The following SPRR2B variants were observed in gnomAD, a reference collection of about 807,000 sequenced individuals.
SPRR2B encodes small proline rich protein 2B.
SPRR2B carries 1 observed loss-of-function variant against 1.0 expected under a neutral mutation model. That is an observed-to-expected ratio of 1.01 (90% confidence interval 0.36 to 4.77). SPRR2B has a LOEUF of 4.77. SPRR2B is among the 30% of genes most tolerant of loss of function. The probability of loss-of-function intolerance (pLI) is 0.16; values close to 1 mark genes in which losing one functional copy is unlikely to be tolerated. For missense variants in SPRR2B, 53 were observed against 88.7 expected, an observed-to-expected ratio of 0.60 and a Z score of 1.62; for synonymous variants, 27 against 33.4, an observed-to-expected ratio of 0.81 and a Z score of 0.66.
the SPRR2B span, among the ~76,000 whole-genome samples, chr1:153,079,817 C>A: frequency 6.6e-6 from 1 of 151,942 alleles, no homozygotes. Context: ...CAGCTTTGTT[C>A]TTTTGGCTTA....
the SPRR2B span, among the ~76,000 whole-genome samples, chr1:153,079,619 G>A: frequency 6.6e-6 from 1 of 152,124 alleles, no homozygotes; most frequent in African/African-American, 2.4e-5. Flanking sequence ...TATTAAATAA[G>A]GAATCCTTTC....
upstream of SPRR2B, among the ~76,000 whole-genome samples, chr1:153,072,076 T>C (rs1370510456): frequency 6.6e-6 from 1 of 152,184 alleles, no homozygotes; most frequent in Non-Finnish European, 1.5e-5. Context: ...AACTCTCCTC[T>C]CTGGAATGGT....
upstream of SPRR2B, among the ~76,000 whole-genome samples, chr1:153,072,822 T>G (rs1654696734): frequency 6.6e-6 from 1 of 152,236 alleles, no homozygotes; most frequent in Non-Finnish European, 1.5e-5. Flanking sequence ...TCAATGTGAA[T>G]GTCTTTCACA....
chr1:153,073,976 G>A (rs1654724256), upstream of SPRR2B, among the ~76,000 whole-genome samples: 1 of 152,140 alleles, frequency 6.6e-6, no homozygotes, highest in African/African-American at 2.4e-5. Context: ...GCGTGTGTGT[G>A]TTCATAATGC....
chr1:153,082,790 T>A, the SPRR2B span, among the ~76,000 whole-genome samples: 3 of 151,890 alleles, frequency 2.0e-5, no homozygotes, highest in Non-Finnish European at 2.9e-5. Flanking sequence ...TAACCTCATA[T>A]TGCACTTGGG....
At chr1:153,087,643 AG>A in the SPRR2B span, among the ~76,000 whole-genome samples, 9,011 of 152,212 alleles carry the variant, frequency 0.059, 285 homozygotes, top group Middle Eastern at 0.13. Context: ...TAGAAAATAT[AG>A]AAAAAACAAA....
At chr1:153,077,418 A>C in the SPRR2B span, among the ~76,000 whole-genome samples, 3 of 152,324 alleles carry the variant, frequency 2.0e-5, no homozygotes, top group Admixed American at 2.0e-4. Context: ...ATCTCTGATA[A>C]ATGTACACTG....
the SPRR2B span, among the ~76,000 whole-genome samples, chr1:153,081,056 A>G: frequency 8.5e-5 from 13 of 152,366 alleles, no homozygotes; most frequent in African/African-American, 2.2e-4. Context: ...AGGCCTATTT[A>G]TATGATTTCT....
chr1:153,073,967 C>T (rs1384969586), upstream of SPRR2B, among the ~76,000 whole-genome samples: 2 of 152,036 alleles, frequency 1.3e-5, no homozygotes, highest in Admixed American at 6.6e-5. Flanking sequence ...CTCATTTGTG[C>T]GTGTGTGTGT....
At chr1:153,084,131 C>A in the SPRR2B span, among the ~76,000 whole-genome samples, 106 of 152,250 alleles carry the variant, frequency 7.0e-4, 1 homozygote, top group African/African-American at 2.5e-3. Flanking sequence ...AGAACTCCAG[C>A]GAGGCAGCTG....
At chr1:153,078,101 T>A in the SPRR2B span, among the ~76,000 whole-genome samples, 6 of 152,138 alleles carry the variant, frequency 3.9e-5, no homozygotes, top group African/African-American at 1.4e-4. Flanking sequence ...TGTAAATGAA[T>A]TAAATTCTCC....
chr1:153,080,414 C>T, the SPRR2B span, among the ~76,000 whole-genome samples: 5 of 152,110 alleles, frequency 3.3e-5, no homozygotes, highest in African/African-American at 1.2e-4. Flanking sequence ...CAGGATAAAC[C>T]ATATCCATTA....
chr1:153,083,807 A>G, the SPRR2B span, among the ~76,000 whole-genome samples: 86,241 of 152,102 alleles, frequency 0.57, 25,133 homozygotes, highest in African/African-American at 0.71. Flanking sequence ...GAGGTGACAG[A>G]GGCAGCATGC....
At chr1:153,079,817 C>T in the SPRR2B span, among the ~76,000 whole-genome samples, 3 of 151,942 alleles carry the variant, frequency 2.0e-5, no homozygotes, top group Admixed American at 2.0e-4. Context: ...CAGCTTTGTT[C>T]TTTTGGCTTA....
At chr1:153,073,066 G>A (rs146291646), upstream of SPRR2B, among the ~76,000 whole-genome samples, 25 of 152,296 alleles carry the variant, frequency 1.6e-4, no homozygotes, top group South Asian at 6.2e-4. Context: ...GAGCAAGAGC[G>A]CTGAATCAAC....
the SPRR2B span, among the ~76,000 whole-genome samples, chr1:153,086,010 C>A: frequency 6.6e-6 from 1 of 152,202 alleles, no homozygotes; most frequent in African/African-American, 2.4e-5. Context: ...CCAGACCTAC[C>A]TTACTAGAGC....
chr1:153,082,527 G>T, the SPRR2B span, among the ~76,000 whole-genome samples: 1 of 152,000 alleles, frequency 6.6e-6, no homozygotes, highest in South Asian at 2.1e-4. Context: ...CAATCACAAG[G>T]AAATAAAACT....
chr1:153,083,233 CAGA>C, the SPRR2B span, among the ~76,000 whole-genome samples: 1 of 151,930 alleles, frequency 6.6e-6, no homozygotes, highest in South Asian at 2.1e-4. Context: ...AATGTTGAAC[CAGA>C]AGGATTTACT....
At chr1:153,081,825 CTTT>C in the SPRR2B span, among the ~76,000 whole-genome samples, 1,686 of 136,958 alleles carry the variant, frequency 0.012, 27 homozygotes, top group African/African-American at 0.04. Flanking sequence ...CTTTTCTTTT[CTTT>C]TTTTTTTTTT....
Sources: allele counts gnomAD v4.1 joint callset (sites outside exome capture counted in the v4.1 genomes callset), GRCh38; gene constraint gnomAD v4.1.1; transcripts MANE v1.5; gene names NCBI Gene and HGNC (gene_info 2026-07-23, HGNC 2026-07-21).